INTS8: variants seen among roughly 807,000 people sequenced by gnomAD.
INTS8 encodes the protein protein kaonashi-1.
Under a neutral mutation model 138.9 loss-of-function variants are expected in INTS8, and 47 were observed. The ratio of observed to expected loss-of-function variants is 0.34; its 90% confidence interval spans 0.27 to 0.43. The LOEUF (loss-of-function observed/expected upper bound fraction) is 0.43. Among genes scored for constraint, INTS8 ranks in the 20% least tolerant of loss-of-function variants. INTS8 has a pLI of 1.00. For missense variants in INTS8, 996 were observed against 1,173.0 expected (o/e 0.85, Z 2.20); for synonymous variants, 392 against 400.9 (o/e 0.98, Z 0.27).
At chr8:94,837,777 C>G (rs544354456) in intron 7 of INTS8, among the ~76,000 whole-genome samples, 22 of 152,202 alleles carry the variant, frequency 1.4e-4, no homozygotes, top group Admixed American at 7.2e-4. Context: ...CCTGAAAACT[C>G]TAAGCTTCAG....
rs1372371977 is a variant in INTS8 at position 94,865,626 on chromosome 8, C to T, written c.2197C>T (p.Arg733Ter). Residue 733 changes from arginine to a stop codon, truncating the protein, a stop_gained, in exon 17 of 27, where the codon CGA becomes TGA. Coordinates refer to ENST00000523731, the MANE Select transcript of INTS8 (RefSeq NM_017864.4). LOFTEE classifies it high-confidence loss of function. ...QICSVSSQHKRGNDGRVSLIK... is the reference protein window; with the variant it reads ...QICSVSSQHK ...CTGTAGTGTGTCCAGTCAGCACAAACGAGGAAATGATGGCAGAGTTAGTTT... is the reference window on the plus strand; with the variant it reads ...CTGTAGTGTGTCCAGTCAGCACAAATGAGGAAATGATGGCAGAGTTAGTTT... The T allele has an allele frequency of 3.7e-6, 6 of 1,613,992 alleles. No homozygotes were observed. The highest frequency in any genetic ancestry group is 1.1e-5 in the South Asian group (1 of 91,068).
intron 5 of INTS8, among the ~76,000 whole-genome samples, chr8:94,829,764 C>T (rs1030448740): frequency 1.3e-5 from 2 of 152,124 alleles, no homozygotes; most frequent in Non-Finnish European, 2.9e-5. Context: ...CTGATTGATT[C>T]TGTTTCGTGA....
chr8:94,825,160 A>T, intron 2 of INTS8, 93 bp downstream of exon 2: 2 of 916,640 alleles, frequency 2.2e-6, no homozygotes, highest in Non-Finnish European at 3.3e-6. Flanking sequence ...GCTCTTAAAA[A>T]TTACGTGCTG....
At chr8:94,843,742 A>G (rs1815224965) in intron 10 of INTS8, among the ~76,000 whole-genome samples, 1 of 152,294 alleles carries the variant, frequency 6.6e-6, no homozygotes, top group African/African-American at 2.4e-5. Flanking sequence ...CTAGGTGTGC[A>G]TACGTACCAG....
At chr8:94,849,017 A>G (rs1815432988) in intron 10 of INTS8, among the ~76,000 whole-genome samples, 1 of 152,056 alleles carries the variant, frequency 6.6e-6, no homozygotes, top group East Asian at 1.9e-4. Context: ...TTAACTATTC[A>G]TGAATAGCTC....
At chr8:94,872,754 A>C (rs1198037574) in intron 21 of INTS8, among the ~76,000 whole-genome samples, 1 of 152,218 alleles carries the variant, frequency 6.6e-6, no homozygotes, top group Non-Finnish European at 1.5e-5. Flanking sequence ...AGATCAAATA[A>C]AATTTCTGAC....
intron 16 of INTS8, among the ~76,000 whole-genome samples, chr8:94,862,101 C>T (rs537323831): frequency 4.6e-5 from 7 of 151,986 alleles, no homozygotes; most frequent in East Asian, 1.9e-4. Flanking sequence ...CCACCACACC[C>T]GGGTAGTTTT....
chr8:94,851,461 A>G (rs1815542184), intron 12 of INTS8, 92 bp from the exon 13 acceptor site: 3 of 824,248 alleles, frequency 3.6e-6, no homozygotes, highest in Admixed American at 3.5e-5. Flanking sequence ...CTTTTAATTT[A>G]TAGATATAAT....
At chr8:94,874,633 T>G in intron 23 of INTS8, 31 bp downstream of exon 23, 1 of 1,241,850 alleles carries the variant, frequency 8.1e-7, no homozygotes, top group South Asian at 1.2e-5. Context: ...AGTTGTTTTA[T>G]TTTTACATAT....
chr8:94,833,413 T>C (rs1464213148), intron 6 of INTS8, among the ~76,000 whole-genome samples: 2 of 151,946 alleles, frequency 1.3e-5, no homozygotes, highest in East Asian at 3.9e-4. Context: ...AGACAGGGTC[T>C]CCCTATGTTG....
intron 16 of INTS8, among the ~76,000 whole-genome samples, chr8:94,861,347 C>T (rs1268647344): frequency 7.0e-6 from 1 of 142,854 alleles, no homozygotes; most frequent in Admixed American, 7.1e-5. Flanking sequence ...CTGCCAGCTC[C>T]GCCTCCCGGG....
At chr8:94,830,735 C>T (rs1312544741) in intron 5 of INTS8, among the ~76,000 whole-genome samples, 12 of 152,036 alleles carry the variant, frequency 7.9e-5, no homozygotes, top group South Asian at 4.2e-4. Flanking sequence ...TGGACTCAAG[C>T]GATCCACCCA....
chr8:94,872,497 T>C lies in INTS8; in HGVS notation c.2533+495T>C, dbSNP rs559303591. Among the ~76,000 whole-genome samples, 93 of 152,274 alleles carry C rather than the reference T, an allele frequency of 6.1e-4. 1 individual carries two copies. Among genetic ancestry groups the C allele is most frequent in the African/African-American group, 2.1e-3 (89 of 41,562 alleles). On this transcript the variant is annotated intron_variant, in intron 21 of 26. Transcript: ENST00000523731. The stretch of plus-strand genomic sequence containing the variant: ...GATCTGCCCGCCTCGGCCTCCCAAA[T>C]TGTTAGGATTACAGGCGTGAGCCCC...
chr8:94,825,794 A>G (rs1192254112), intron 2 of INTS8, among the ~76,000 whole-genome samples: 2 of 151,774 alleles, frequency 1.3e-5, no homozygotes, highest in African/African-American at 2.4e-5. Flanking sequence ...GGAAGTTGGG[A>G]AAAATTTAAA....
Position 94,881,625 on chromosome 8 carries a change from ATCT to A in INTS8, c.*1396_*1398del, listed in dbSNP as rs1255460476. ...TGAATTCCAACTTGTTTGCTTAGTT[ATCT>A]TCTTTAGTGTTTTCCTGGTGGTTTT... On this transcript the variant is annotated 3_prime_UTR_variant, in exon 27 of 27. Transcript: ENST00000523731. 28 of 1,611,222 alleles carry A rather than the reference ATCT, an allele frequency of 1.7e-5. No individual in the cohort carries two copies. The highest frequency in any genetic ancestry group is 1.7e-4 in the Middle Eastern group (1 of 6,036).
chr8:94,856,844 T>C lies in INTS8; in HGVS notation c.1820T>C (p.Leu607Pro). ...LELVTEFSPK[L>P]RQVMLNEMLL... Reference sequence around the variant, plus strand: ...TTGGTAACAGAGTTCTCACCGAAGCTTCGTCAGGTCATGCTGAATGAGATG... The same window carrying C: ...TTGGTAACAGAGTTCTCACCGAAGCCTCGTCAGGTCATGCTGAATGAGATG... The change falls in exon 15 of 27, where the codon CTT (leucine) becomes CCT (proline). Residue 607 changes from leucine (L) to proline (P), a missense_variant. Transcript: ENST00000523731. 6.2e-7 allele frequency: 1 copy of C among 1,614,150 alleles called. No individual in the cohort carries two copies. The highest frequency in any genetic ancestry group is 8.5e-7 in the Non-Finnish European group (1 of 1,180,026).
rs150813858 is a variant in INTS8, at chr8:94,881,183, A to G, written c.*949A>G. ...GTTTAAATTTAATTTTCAAGAACCA[A>G]ATTGCACTAGTCAAGAGTGTAGGAA... is the stretch of plus-strand genomic sequence containing the variant. On this transcript the variant is annotated 3_prime_UTR_variant, in exon 27 of 27. Transcript: ENST00000523731. The G allele has an allele frequency of 2.8e-4, 107 of 383,062 alleles. No homozygotes were observed. Among genetic ancestry groups the G allele is most frequent in the Non-Finnish European group, 4.2e-4 (90 of 216,698 alleles). 23.7% of individuals were successfully genotyped at this position (383,062 alleles called of 1,614,324 possible). A position where few individuals can be genotyped will look rare whatever the true frequency, so the allele number is the denominator to read the frequency against.
rs936130379 is a variant in INTS8, at chr8:94,854,908, A to T, written c.1752+993A>T. The stretch of plus-strand genomic sequence containing the variant: ...CACCATGCCCAGCTTATTTGAAAGA[A>T]TTTTTTTTTTTTTTTTTTGCAGAGA... On this transcript the variant is annotated intron_variant, in intron 14 of 26. Coordinates refer to ENST00000523731, the MANE Select transcript of INTS8 (RefSeq NM_017864.4). Among the ~76,000 whole-genome samples the T allele has an allele frequency of 5.2e-5, 7 of 135,760 alleles. No homozygotes were observed. In the South Asian group the frequency reaches 1.6e-3, roughly 32 times the overall value. The allele number at this position is 135,760 out of a possible 152,430, so 89.1% of individuals were successfully genotyped here.
Position 94,838,482 on chromosome 8 carries a change from A to G in INTS8, c.881A>G (p.His294Arg). The G allele has an allele frequency of 1.2e-6, 2 of 1,613,108 alleles. No individual in the cohort carries two copies. The highest frequency in any genetic ancestry group is 8.5e-7 in the Non-Finnish European group (1 of 1,179,070). Residue 294 changes from histidine (H) to arginine (R), a missense_variant, in exon 8 of 27, where the codon CAT becomes CGT. Coordinates refer to ENST00000523731, the MANE Select transcript of INTS8 (RefSeq NM_017864.4). ...LIAEIGSLSL[H>R]CTIDEKRLAG... ...TTACAGATAGGTTCATTATCTCTTCATTGTACCATAGATGAGAAGCGGTTA... is the reference window on the plus strand; with the variant it reads ...TTACAGATAGGTTCATTATCTCTTCGTTGTACCATAGATGAGAAGCGGTTA...
Sources: gnomAD v4.1 joint callset for allele counts (sites outside exome capture counted in the v4.1 genomes callset) on GRCh38, gnomAD v4.1.1 for gene constraint, MANE v1.5 for transcripts, NCBI Gene and HGNC (gene_info 2026-07-23, HGNC 2026-07-21) for gene names.